Variants in FZR1 observed in about 807,000 individuals in gnomAD.
FZR1 encodes fizzy and cell division cycle 20 related 1, also known as fizzy-related protein homolog.
FZR1 carries 11 observed loss-of-function variants against 63.6 expected under a neutral mutation model. The observed-to-expected ratio is 0.17, with a 90% confidence interval of 0.11 to 0.29. FZR1 has a LOEUF of 0.29. FZR1 is among the 10% of genes least tolerant of loss of function. The pLI is 1.00. For synonymous variants in FZR1, 328 were observed against 297.9 expected (o/e 1.10, Z -1.04); for missense variants, 440 against 687.5 (o/e 0.64, Z 4.03).
At chr19:3,521,322 ACT>A (rs1482005942) in intron 1 of FZR1, 3 of 151,966 alleles carry the variant, frequency 2.0e-5, no homozygotes, top group African/African-American at 4.8e-5. Context: ...TCACTGACAG[ACT>A]CTGTGTTTAA....
rs1405715943 is a variant in FZR1, at chr19:3,516,377, C to T, written c.-34-6579C>T. 6.6e-6 allele frequency among the ~76,000 whole-genome samples: 1 copy of T among 152,216 alleles called. No homozygotes were observed. Among genetic ancestry groups the T allele is most frequent in the Non-Finnish European group, 1.5e-5 (1 of 68,028 alleles). ...TCTCCTGTGGGTGGCAGGTGCTTCC[C>T]TCAGTTTGTCATCTGTTTTTTAACT... On this transcript the variant is annotated intron_variant, in intron 1 of 13. Transcript: ENST00000441788. The surrounding 1 kb of genome is among the most constrained non-coding windows in gnomAD (Gnocchi z 6.0).
Position 3,516,044 on chromosome 19 carries a change from C to G in FZR1, c.-34-6912C>G, listed in dbSNP as rs1255899337. On this transcript the variant is annotated intron_variant, in intron 1 of 13. Coordinates refer to ENST00000441788, the MANE Select transcript of FZR1 (RefSeq NM_016263.4). This position sits in a 1 kb window ranked among gnomAD's most constrained non-coding sequence, Gnocchi z 6.0. ...CTCTGCACACATGCATGCTGAGTTTCTAAGGATAAATTCTTAGAAGTAGAA... is the reference window on the plus strand; with the variant it reads ...CTCTGCACACATGCATGCTGAGTTTGTAAGGATAAATTCTTAGAAGTAGAA... Among the ~76,000 whole-genome samples, 1 of 152,210 alleles carries G rather than the reference C, an allele frequency of 6.6e-6. No individual in the cohort carries two copies. The highest frequency in any genetic ancestry group is 2.1e-4 in the South Asian group (1 of 4,834).
In FZR1 at chr19:3,525,304, C is replaced by T. The variant is rs1233348770; in HGVS notation, c.70-564C>T. 6.6e-6 allele frequency among the ~76,000 whole-genome samples: 1 copy of T among 152,188 alleles called. No individual in the cohort carries two copies. The highest frequency in any genetic ancestry group is 2.4e-5 in the African/African-American group (1 of 41,442). On this transcript the variant is annotated intron_variant, in intron 2 of 13. Transcript: ENST00000441788. The surrounding 1 kb of genome is among the most constrained non-coding windows in gnomAD (Gnocchi z 4.2). ...CGTCCCGTGGCCCTGCCCTCACCAC[C>T]CTCCTGCCTGGCAGCGTTGGGAGGC... is the stretch of plus-strand genomic sequence containing the variant.
In FZR1 at chr19:3,538,230, GGGGCA is replaced by G. The variant is rs975367934; in HGVS notation, c.*3407_*3411del. The G allele has an allele frequency of 6.1e-6, 1 of 162,812 alleles. No individual in the cohort carries two copies. The highest frequency in any genetic ancestry group is 1.3e-5 in the Non-Finnish European group (1 of 74,682). 10.1% of individuals were successfully genotyped at this position (162,812 alleles called of 1,614,324 possible). On this transcript the variant is annotated 3_prime_UTR_variant, in exon 14 of 14. Coordinates refer to ENST00000441788, the MANE Select transcript of FZR1 (RefSeq NM_016263.4). ...CCCAAGGCCGGGCCCAGCCAGAGGAGGGGCAGGGCAGGGCAGGAGGTTTCTGGATG... is the reference window on the plus strand; with the variant it reads ...CCCAAGGCCGGGCCCAGCCAGAGGAGGGGCAGGGCAGGAGGTTTCTGGATG...
chr19:3,524,661 C>T (rs1270077361), intron 2 of FZR1, among the ~76,000 whole-genome samples: 1 of 152,108 alleles, frequency 6.6e-6, no homozygotes, highest in African/African-American at 2.4e-5. Flanking sequence ...TCCTGGGGGT[C>T]CGGAGTCGGA....
Position 3,525,975 on chromosome 19 carries a change from G to T in FZR1, c.177G>T (p.Val59=). The T allele has an allele frequency of 6.2e-7, 1 of 1,612,278 alleles. No homozygotes were observed. Among genetic ancestry groups the T allele is most frequent in the South Asian group, 1.1e-5 (1 of 91,038 alleles). The part of the protein sequence containing the change: ...IPSRAGANWS[V]NFHRINENEK... ...CCAGAGCCGGAGCCAACTGGAGCGT[G>T]AACTTCCACAGGATTAACGTGAGGG... is the stretch of plus-strand genomic sequence containing the variant. The change falls in exon 3 of 14, where the codon GTG becomes GTT. Residue 59 remains valine (V), a synonymous_variant. Coordinates refer to ENST00000441788, the MANE Select transcript of FZR1 (RefSeq NM_016263.4). The surrounding 1 kb of genome is among the most constrained non-coding windows in gnomAD (Gnocchi z 4.2).
chr19:3,506,876 C>T (rs1809162033), intron 1 of FZR1, among the ~76,000 whole-genome samples: 1 of 152,206 alleles, frequency 6.6e-6, no homozygotes, highest in Non-Finnish European at 1.5e-5. Flanking sequence ...CGGGTGATTT[C>T]TCCCTGGCCT....
intron 1 of FZR1, among the ~76,000 whole-genome samples, chr19:3,519,809 C>T (rs558400561): frequency 2.0e-5 from 3 of 152,296 alleles, no homozygotes; most frequent in African/African-American, 4.8e-5. Context: ...CTCTGCTCCG[C>T]GGTTTCCTTT....
At position 3,515,046 on chromosome 19, in the gene FZR1, A is replaced by C. The variant is rs2083049104; in HGVS notation, c.-34-7910A>C. 6.6e-6 allele frequency among the ~76,000 whole-genome samples: 1 copy of C among 152,160 alleles called. No individual in the cohort carries two copies. The highest frequency in any genetic ancestry group is 2.4e-5 in the African/African-American group (1 of 41,436). On this transcript the variant is annotated intron_variant, in intron 1 of 13. Coordinates refer to ENST00000441788, the MANE Select transcript of FZR1 (RefSeq NM_016263.4). This position sits in a 1 kb window ranked among gnomAD's most constrained non-coding sequence, Gnocchi z 4.6. ...GGGGCAGCAGGAAGCCCGGTGGCCCAGGGCCCGGGTCCACCACCCAGACCA... is the reference window on the plus strand; with the variant it reads ...GGGGCAGCAGGAAGCCCGGTGGCCCCGGGCCCGGGTCCACCACCCAGACCA...
chr19:3,534,979 G>C lies in FZR1; in HGVS notation c.*143G>C. On this transcript the variant is annotated 3_prime_UTR_variant, in exon 14 of 14. Coordinates refer to ENST00000441788, the MANE Select transcript of FZR1 (RefSeq NM_016263.4). ...CGGGGAGCTGGGCCTGGAGGATCCT[G>C]GAGTCTCATTAAATGCCTGATTGTG... 1 of 684,644 alleles carries C rather than the reference G, an allele frequency of 1.5e-6. No homozygotes were observed. The highest frequency in any genetic ancestry group is 2.7e-5 in the East Asian group (1 of 37,130). The allele number at this position is 684,644 out of a possible 1,614,324, so 42.4% of individuals were successfully genotyped here.
chr19:3,525,048 G>T lies in FZR1; in HGVS notation c.70-820G>T, dbSNP rs893995288. On this transcript the variant is annotated intron_variant, in intron 2 of 13. Coordinates refer to ENST00000441788, the MANE Select transcript of FZR1 (RefSeq NM_016263.4). This position sits in a 1 kb window ranked among gnomAD's most constrained non-coding sequence, Gnocchi z 4.2. ...AGACGGCGCGGGGACAGTCAGATGG[G>T]GTTGGAGGGTTAGACGGGTGTTGTG... Among the ~76,000 whole-genome samples, 3 of 152,190 alleles carry T rather than the reference G, an allele frequency of 2.0e-5. No homozygotes were observed. The highest frequency in any genetic ancestry group is 7.2e-5 in the African/African-American group (3 of 41,450).
intron 1 of FZR1, among the ~76,000 whole-genome samples, chr19:3,508,201 T>A (rs1016850497): frequency 3.6e-5 from 2 of 56,028 alleles, no homozygotes; most frequent in Admixed American, 4.2e-4. Context: ...ATTGATTTTC[T>A]TTTTTTTTTT....
chr19:3,520,023 G>A (rs1022447107), intron 1 of FZR1, among the ~76,000 whole-genome samples: 3 of 152,090 alleles, frequency 2.0e-5, no homozygotes, highest in Non-Finnish European at 4.4e-5. Context: ...AATCAGTCCC[G>A]GGGGGCCCCA....
intron 7 of FZR1, among the ~76,000 whole-genome samples, chr19:3,529,278 G>A (rs1332839365): frequency 6.6e-6 from 1 of 150,526 alleles, no homozygotes; most frequent in East Asian, 2.0e-4. Flanking sequence ...GTGGATGAGA[G>A]TGGTTGAGGA....
rs1254187166 is a variant in FZR1 at position 3,529,362 on chromosome 19, GGATGGGAGAGCAGATGGGAGAGCA to G, written c.655-1423_655-1400del. Among the ~76,000 whole-genome samples the G allele has an allele frequency of 1.0e-3, 148 of 145,322 alleles. 2 individuals carry two copies. Among genetic ancestry groups the G allele is most frequent in the African/African-American group, 3.5e-3 (137 of 39,148 alleles). On this transcript the variant is annotated intron_variant, in intron 7 of 13. Coordinates refer to ENST00000441788, the MANE Select transcript of FZR1 (RefSeq NM_016263.4). ...TGGTTGAGGGAGTGGATGGGAGAGC[GGATGGGAGAGCAGATGGGAGAGCA>G]GATGGGTGAGCGGATGGGAGAGCAG...
rs1367217804 is a variant in FZR1 at position 3,526,031 on chromosome 19, G to C, written c.195+38G>C. The stretch of plus-strand genomic sequence containing the variant: ...CTGGGCAGGAGATGGGACCCCCCGG[G>C]AAGCCCAGGGCCCCTCCCAGCCTCC... On this transcript the variant is annotated intron_variant, in intron 3 of 13. Coordinates refer to ENST00000441788, the MANE Select transcript of FZR1 (RefSeq NM_016263.4). The surrounding 1 kb of genome is among the most constrained non-coding windows in gnomAD (Gnocchi z 5.4). 6.2e-7 allele frequency: 1 copy of C among 1,611,472 alleles called. No individual in the cohort carries two copies. Among genetic ancestry groups the C allele is most frequent in the South Asian group, 1.1e-5 (1 of 91,036 alleles).
rs1002801700 is a variant in FZR1 at position 3,531,767 on chromosome 19, A to G, written c.774A>G (p.Ala258=). 1.9e-6 allele frequency: 3 copies of G among 1,550,186 alleles called. No homozygotes were observed. The Admixed American group carries it at 5.9e-5, about 30-fold the overall frequency. ...THKGFVQIWD[A]AAGKKLSMLE... is the part of the protein sequence containing the mutation. ...AGGGCTTCGTGCAGATCTGGGACGCAGCCGCAGGGAAGAAGCTGTCCATGT... is the reference window on the plus strand; with the variant it reads ...AGGGCTTCGTGCAGATCTGGGACGCGGCCGCAGGGAAGAAGCTGTCCATGT... The change falls in exon 9 of 14, where the codon GCA becomes GCG. Residue 258 remains alanine (A), a synonymous_variant. Transcript: ENST00000441788.
At chr19:3,506,947 G>GC (rs907947827) in intron 1 of FZR1, among the ~76,000 whole-genome samples, 2 of 151,834 alleles carry the variant, frequency 1.3e-5, no homozygotes, top group Non-Finnish European at 2.9e-5. Context: ...ACACGAAGCC[G>GC]CCCCCCATCG....
chr19:3,531,677 C>A, intron 8 of FZR1, 37 bp from the exon 9 acceptor site: 8 of 1,437,966 alleles, frequency 5.6e-6, no homozygotes, highest in Non-Finnish European at 7.6e-6. Context: ...CCGGGCCAGA[C>A]CTGACACCGG....
Sources: allele counts gnomAD v4.1 joint callset (sites outside exome capture counted in the v4.1 genomes callset), GRCh38; gene constraint gnomAD v4.1.1; non-coding constraint Gnocchi (gnomAD v3.1); transcripts MANE v1.5; gene names NCBI Gene and HGNC (gene_info 2026-07-23, HGNC 2026-07-21).